The following MEP1B variants were observed in gnomAD, a reference collection of about 807,000 sequenced individuals.
MEP1B encodes the protein N-benzoyl-L-tyrosyl-P-amino-benzoic acid hydrolase subunit beta.
In MEP1B, 80 loss-of-function variants were observed where a neutral mutation model predicts 84.6. That is an observed-to-expected ratio of 0.95 (90% CI 0.79 to 1.14). The LOEUF (loss-of-function observed/expected upper bound fraction) is 1.14. Ranked by LOEUF, MEP1B falls within the 50% of genes most tolerant of loss-of-function variation. The pLI, the probability that MEP1B is intolerant of heterozygous loss-of-function variation, is 0.00. For synonymous variants in MEP1B, 273 were observed against 288.1 expected (o/e 0.95, Z 0.53); for missense variants, 766 against 855.1 (o/e 0.90, Z 1.30).
intron 1 of MEP1B, 70 bp downstream of exon 1, chr18:32,190,203 G>T: frequency 9.2e-7 from 1 of 1,088,434 alleles, no homozygotes; most frequent in Non-Finnish European, 1.3e-6. Context: ...TAAAGAACAA[G>T]TGTTTTTTTT....
At chr18:32,192,317 A>G (rs2040809491) in intron 2 of MEP1B, among the ~76,000 whole-genome samples, 1 of 152,128 alleles carries the variant, frequency 6.6e-6, no homozygotes, top group South Asian at 2.1e-4. Context: ...ACCAAATTTA[A>G]TCATTTGTTT....
At position 32,207,101 on chromosome 18, in the gene MEP1B, A is replaced by G. The variant is rs533352724; in HGVS notation, c.548-151A>G. 4.9e-6 allele frequency: 3 copies of G among 606,640 alleles called. No homozygotes were observed. The Admixed American group carries it at 8.5e-5, about 17-fold the overall frequency. 37.6% of individuals were successfully genotyped at this position (606,640 alleles called of 1,614,324 possible). On this transcript the variant is annotated intron_variant, in intron 7 of 14. Transcript: ENST00000269202. The stretch of plus-strand genomic sequence containing the variant: ...TATCACAGTTCTAAGCTTGAATATT[A>G]TATTGTAAGATGGGAATAATGAAAC...
At chr18:32,212,370 A>T (rs1201981499) in intron 10 of MEP1B, among the ~76,000 whole-genome samples, 1 of 152,204 alleles carries the variant, frequency 6.6e-6, no homozygotes, top group Non-Finnish European at 1.5e-5. Flanking sequence ...CACTAGTTTG[A>T]CATGAATTCC....
At chr18:32,200,739 C>G (rs16962825) in intron 5 of MEP1B, among the ~76,000 whole-genome samples, 1 of 152,134 alleles carries the variant, frequency 6.6e-6, no homozygotes. Flanking sequence ...AGGAGTAATA[C>G]TCATAGCAGC....
At chr18:32,218,350 G>A (rs1213330076) in intron 14 of MEP1B, among the ~76,000 whole-genome samples, 3 of 152,166 alleles carry the variant, frequency 2.0e-5, no homozygotes, top group Admixed American at 2.0e-4. Flanking sequence ...GTGGTGGTGA[G>A]CTGAGGCCAT....
rs1370502240 is a variant in MEP1B at position 32,213,547 on chromosome 18, T to C, written c.1567T>C (p.Phe523Leu). ...SNQRSITTDP[F>L]MTTDNGNYFW... The stretch of plus-strand genomic sequence containing the variant: ...TCAGCGGAGTATAACTACAGACCCA[T>C]TTATGACCACCGGTTCGTAACTCAT... The change falls in exon 11 of 15, where the codon TTT becomes CTT. Residue 523 changes from phenylalanine to leucine, a missense_variant. Physicochemically the swap from Phe to Leu is conservative, Grantham distance 22. Transcript: ENST00000269202. The C allele has an allele frequency of 9.9e-6, 16 of 1,609,174 alleles. No homozygotes were observed. The highest frequency in any genetic ancestry group is 1.4e-5 in the Non-Finnish European group (16 of 1,175,902).
Position 32,202,940 on chromosome 18 carries a change from C to T in MEP1B, c.298C>T (p.Leu100Phe). 1 of 1,612,910 alleles carries T rather than the reference C, an allele frequency of 6.2e-7. No individual in the cohort carries two copies. Among genetic ancestry groups the T allele is most frequent in the Non-Finnish European group, 8.5e-7 (1 of 1,179,448 alleles). Residue 100 changes from leucine (L) to phenylalanine (F), a missense_variant, in exon 6 of 15, where the codon CTT (leucine) becomes TTT (phenylalanine). By Grantham distance (22) the Leu-to-Phe change is conservative. Coordinates refer to ENST00000269202, the MANE Select transcript of MEP1B (RefSeq NM_005925.3). The part of the protein sequence containing the change: ...VILNAFERYR[L>F]KTCIDFKPWA... Reference sequence around the variant, plus strand: ...CCTCAATGCATTTGAACGTTATCGCCTTAAAACATGTATTGACTTTAAGCC... The same window carrying T: ...CCTCAATGCATTTGAACGTTATCGCTTTAAAACATGTATTGACTTTAAGCC...
chr18:32,194,025 C>A (rs1451204035), intron 4 of MEP1B, among the ~76,000 whole-genome samples: 1 of 152,040 alleles, frequency 6.6e-6, no homozygotes, highest in Non-Finnish European at 1.5e-5. Flanking sequence ...TCTGACCTTC[C>A]CCCCAAACTG....
chr18:32,195,244 A>G (rs1429811127), intron 4 of MEP1B, among the ~76,000 whole-genome samples, 163 bp from the exon 5 acceptor site: 2 of 149,534 alleles, frequency 1.3e-5, no homozygotes, highest in African/African-American at 5.0e-5. Context: ...ACTTTGTTAT[A>G]TTATGATAAA....
intron 7 of MEP1B, among the ~76,000 whole-genome samples, chr18:32,204,941 G>T (rs576497598): frequency 6.6e-6 from 1 of 152,238 alleles, no homozygotes; most frequent in Non-Finnish European, 1.5e-5. Flanking sequence ...TTATGAGACG[G>T]AGCCCATGCC....
intron 7 of MEP1B, among the ~76,000 whole-genome samples, chr18:32,205,839 A>T (rs1375429865): frequency 6.6e-6 from 1 of 152,188 alleles, no homozygotes; most frequent in Non-Finnish European, 1.5e-5. Context: ...ATATTTTGAC[A>T]TGTGTACACA....
Position 32,204,306 on chromosome 18 carries a change from T to A in MEP1B, c.493T>A (p.Ser165Thr), listed in dbSNP as rs1342389449. Residue 165 changes from serine to threonine, a missense_variant, in exon 7 of 15, where the codon TCG (serine) becomes ACG (threonine). Coordinates refer to ENST00000269202, the MANE Select transcript of MEP1B (RefSeq NM_005925.3). Reference protein sequence around the residue: ...LHALGFWHEQSRSDRDDYVRI... With the variant: ...LHALGFWHEQTRSDRDDYVRI... ...CGCTCTGGGATTCTGGCATGAGCAG[T>A]CGCGTTCTGACCGGGATGACTATGT... The A allele has an allele frequency of 1.2e-6, 2 of 1,603,944 alleles. No homozygotes were observed. Among genetic ancestry groups the A allele is most frequent in the Non-Finnish European group, 1.7e-6 (2 of 1,175,510 alleles).
At chr18:32,210,753 T>A in intron 10 of MEP1B, 37 bp downstream of exon 10, 1 of 1,562,220 alleles carries the variant, frequency 6.4e-7, no homozygotes, top group South Asian at 1.1e-5. Context: ...GGATTTAAAA[T>A]GAGGCAATCT....
intron 10 of MEP1B, among the ~76,000 whole-genome samples, chr18:32,211,838 C>A (rs1168492812): frequency 2.6e-5 from 4 of 152,088 alleles, no homozygotes; most frequent in Non-Finnish European, 5.9e-5. Flanking sequence ...TCAATTTGTT[C>A]CACAATTGGA....
intron 7 of MEP1B, among the ~76,000 whole-genome samples, chr18:32,205,769 G>C (rs1197114278): frequency 1.3e-5 from 2 of 151,890 alleles, no homozygotes; most frequent in Non-Finnish European, 2.9e-5. Context: ...ATTCATTTTT[G>C]TTTTTTATTA....
intron 4 of MEP1B, 80 bp downstream of exon 4, chr18:32,192,897 G>A: frequency 8.9e-7 from 1 of 1,128,868 alleles, no homozygotes; most frequent in Non-Finnish European, 1.3e-6. Flanking sequence ...AGATTAGACA[G>A]CATGAACTTT....
chr18:32,217,176 T>C (rs747216795), intron 13 of MEP1B, 59 bp downstream of exon 13: 9 of 1,567,260 alleles, frequency 5.7e-6, no homozygotes, highest in South Asian at 2.3e-5. Flanking sequence ...ATTTCCATAA[T>C]GTAGGATTAA....
intron 6 of MEP1B, among the ~76,000 whole-genome samples, chr18:32,203,393 C>G (rs1404683190): frequency 6.6e-6 from 1 of 152,174 alleles, no homozygotes; most frequent in Non-Finnish European, 1.5e-5. Context: ...AAGAAGGCGA[C>G]AGTATTATTT....
intron 4 of MEP1B, among the ~76,000 whole-genome samples, chr18:32,193,596 AAG>A (rs2040823857): frequency 6.6e-6 from 1 of 152,184 alleles, no homozygotes; most frequent in South Asian, 2.1e-4. Context: ...GAAAAAAAGA[AAG>A]AAGGCAATTT....
Sources: allele counts gnomAD v4.1 joint callset (sites outside exome capture counted in the v4.1 genomes callset), GRCh38; gene constraint gnomAD v4.1.1; transcripts MANE v1.5; gene names NCBI Gene and HGNC (gene_info 2026-07-23, HGNC 2026-07-21).